The following CYP2A6 variants were observed in gnomAD, a reference collection of about 807,000 sequenced individuals.
CYP2A6 encodes cytochrome P450 2A6.
A neutral mutation model predicts 42.3 loss-of-function variants in CYP2A6; 27 were observed. The ratio of observed to expected loss-of-function variants is 0.64; its 90% CI spans 0.47 to 0.88. CYP2A6 has a LOEUF of 0.88. CYP2A6 is among the 40% of genes least tolerant of loss of function. The pLI is 0.00. For missense variants in CYP2A6, 628 were observed against 646.0 expected, an observed-to-expected ratio of 0.97 and a Z score of 0.30; for synonymous variants, 238 against 246.3, an observed-to-expected ratio of 0.97 and a Z score of 0.31.
At chr19:40,845,876 G>T (rs1424618161) in intron 6 of CYP2A6, 80 bp downstream of exon 6, 1 of 1,558,632 alleles carries the variant, frequency 6.4e-7, no homozygotes, top group African/African-American at 1.4e-5. Flanking sequence ...CGGGATCTGG[G>T]ACAGGTGGGG....
rs560382680 is a variant in CYP2A6 at position 40,846,897 on chromosome 19, G to C, written c.809C>G (p.Ser270Cys). The change falls in exon 5 of 9, where the codon TCC becomes TGC. Residue 270 changes from serine to cysteine, a missense_variant. Physicochemically the swap from Ser to Cys is moderately radical, Grantham distance 112. Transcript: ENST00000301141. Reference protein sequence around the residue: ...DPNSPRDFIDSFLIRMQEEEK... With the variant: ...DPNSPRDFIDCFLIRMQEEEK... ...TACCTCCTGCATGCGGATGAGAAAG[G>C]AGTCAATGAAGTCCCGTGGGGAATT... 6.2e-7 allele frequency: 1 copy of C among 1,612,000 alleles called. No homozygotes were observed. Among genetic ancestry groups the C allele is most frequent in the African/African-American group, 1.3e-5 (1 of 74,764 alleles).
intron 8 of CYP2A6, 138 bp from the exon 9 acceptor site, chr19:40,844,115 T>G: frequency 4.2e-6 from 6 of 1,414,048 alleles, no homozygotes; most frequent in Non-Finnish European, 5.6e-6. Context: ...GAGGAGGCTC[T>G]GATCCTCCCT....
At chr19:40,847,709 G>A (rs1319644019) in intron 4 of CYP2A6, among the ~76,000 whole-genome samples, 3 of 151,578 alleles carry the variant, frequency 2.0e-5, no homozygotes, top group Admixed American at 1.3e-4. Context: ...AGCTGTCCAT[G>A]TTTTCAGGTA....
chr19:40,848,991 A>AGAGAG lies in CYP2A6; in HGVS notation c.344-233_344-229dup, dbSNP rs1391344009. 2.7e-3 allele frequency among the ~76,000 whole-genome samples: 294 copies of AGAGAG among 107,804 alleles called. 10 individuals carry two copies. Among genetic ancestry groups the AGAGAG allele is most frequent in the African/African-American group, 0.011 (257 of 23,872 alleles). The allele number at this position is 107,804 out of a possible 152,430, so 70.7% of individuals were successfully genotyped here. The stretch of plus-strand genomic sequence containing the variant: ...GAGAGAGAGAGAAGAGAGAGAGGAG[A>AGAGAG]GAGAGAGAGAGAGAGAGAGAAGAGA... On this transcript the variant is annotated intron_variant, in intron 2 of 8. Coordinates refer to ENST00000301141, the MANE Select transcript of CYP2A6 (RefSeq NM_000762.6).
chr19:40,846,817 C>T (rs1967108555), intron 5 of CYP2A6, 58 bp downstream of exon 5: 2 of 1,595,686 alleles, frequency 1.3e-6, no homozygotes, highest in Non-Finnish European at 8.5e-7. Context: ...GCCCCACTCC[C>T]AGACTGATTT....
At chr19:40,848,858 G>C in intron 2 of CYP2A6, 95 bp from the exon 3 acceptor site, 1 of 1,464,646 alleles carries the variant, frequency 6.8e-7, no homozygotes, top group Non-Finnish European at 9.2e-7. Flanking sequence ...GGAGGAGAGA[G>C]GGAGTAGGGT....
chr19:40,845,851 C>A, intron 6 of CYP2A6, 105 bp downstream of exon 6: 1 of 1,514,796 alleles, frequency 6.6e-7, no homozygotes, highest in East Asian at 2.4e-5. Context: ...GACAGCAAGT[C>A]ACGTCTCAGG....
intron 7 of CYP2A6, 106 bp downstream of exon 7, chr19:40,845,188 G>A (rs1200228076): frequency 1.4e-6 from 2 of 1,433,272 alleles, no homozygotes; most frequent in Admixed American, 3.6e-5. Flanking sequence ...TTGACTGATT[G>A]AGGGAGTGGG....
chr19:40,849,088 G>GAGAC (rs1259003653), intron 2 of CYP2A6, among the ~76,000 whole-genome samples: 6 of 142,964 alleles, frequency 4.2e-5, no homozygotes, highest in African/African-American at 1.6e-4. Flanking sequence ...GAGAGAGAGA[G>GAGAC]ACCAGGTTTA....
chr19:40,846,055 C>T lies in CYP2A6; in HGVS notation c.874G>A (p.Val292Met), dbSNP rs2644906. The change falls in exon 6 of 9, where the codon GTG becomes ATG. Residue 292 changes from valine (V) to methionine (M), a missense_variant. Physicochemically the swap from Val to Met is conservative, Grantham distance 21. Around this residue, in one of 2 missense-constraint regions of CYP2A6, gnomAD observed 606 missense variants for 568.1 expected, o/e 1.07. Transcript: ENST00000301141. ...PNTEFYLKNL[V>M]MTTLNLFIGG... ...ATGAAGAGGTTCAACGTGGTCATCA[C>T]CAGGTTTTTCAAGTAGAACTCCGTG... 3.3e-5 allele frequency: 53 copies of T among 1,611,392 alleles called. 1 individual carries two copies. The African/African-American group carries it at 5.1e-4, about 15-fold the overall frequency.
intron 7 of CYP2A6, chr19:40,844,998 G>GA (rs2083448519): frequency 1.5e-6 from 1 of 664,912 alleles, no homozygotes; most frequent in African/African-American, 1.8e-5. Flanking sequence ...GAGTTTGGGG[G>GA]ACCTGAGATT....
chr19:40,844,265 C>T (rs1468564327), intron 8 of CYP2A6, among the ~76,000 whole-genome samples: 1 of 151,358 alleles, frequency 6.6e-6, no homozygotes, highest in African/African-American at 2.4e-5. Flanking sequence ...CATAATGTCA[C>T]ACATCCATCA....
rs140471703 is a variant in CYP2A6, at chr19:40,846,912, C to G, written c.794G>C (p.Arg265Pro). 6 of 1,611,886 alleles carry G rather than the reference C, an allele frequency of 3.7e-6. No homozygotes were observed. Among genetic ancestry groups the G allele is most frequent in the South Asian group, 2.2e-5 (2 of 90,944 alleles). The change falls in exon 5 of 9, where the codon CGG becomes CCG. Residue 265 changes from arginine (R) to proline (P), a missense_variant. By Grantham distance (103) the Arg-to-Pro change is moderately radical. Around this residue, in one of 2 missense-constraint regions of CYP2A6, gnomAD observed 606 missense variants for 568.1 expected, o/e 1.07. Coordinates refer to ENST00000301141, the MANE Select transcript of CYP2A6 (RefSeq NM_000762.6). ...NQRTLDPNSP[R>P]DFIDSFLIRM... ...GATGAGAAAGGAGTCAATGAAGTCCCGTGGGGAATTGGGATCCAGCGTGCG... is the reference window on the plus strand; with the variant it reads ...GATGAGAAAGGAGTCAATGAAGTCCGGTGGGGAATTGGGATCCAGCGTGCG...
rs2083451372 is a variant in CYP2A6, at chr19:40,845,429, C to G, written c.1026G>C (p.Lys342Asn). The G allele has an allele frequency of 1.2e-6, 2 of 1,611,836 alleles. No homozygotes were observed. The highest frequency in any genetic ancestry group is 1.7e-6 in the Non-Finnish European group (2 of 1,179,938). The part of the protein sequence containing the change: ...DRVIGKNRQP[K>N]FEDRAKMPYM... ...AGGGCATCTTGGCCCGGTCCTCAAA[C>G]TTGGGCTGCCGGTTCTTGCCGATCA... is the stretch of plus-strand genomic sequence containing the variant. Residue 342 changes from lysine to asparagine, a missense_variant, in exon 7 of 9, where the codon AAG becomes AAC. Around this residue, in one of 2 missense-constraint regions of CYP2A6, gnomAD observed 606 missense variants for 568.1 expected, o/e 1.07. Coordinates refer to ENST00000301141, the MANE Select transcript of CYP2A6 (RefSeq NM_000762.6).
At chr19:40,848,125 G>C in intron 4 of CYP2A6, 94 bp downstream of exon 4, 1 of 1,573,342 alleles carries the variant, frequency 6.4e-7, no homozygotes, top group Non-Finnish European at 8.6e-7. Flanking sequence ...ACACTGTCTG[G>C]AGGGCGGTGG....
rs1387752835 is a variant in CYP2A6 at position 40,848,258 on chromosome 19, C to A, written c.615G>T (p.Met205Ile). 2 of 1,611,722 alleles carry A rather than the reference C, an allele frequency of 1.2e-6. No individual in the cohort carries two copies. Among genetic ancestry groups the A allele is most frequent in the Non-Finnish European group, 1.7e-6 (2 of 1,179,934 alleles). ...DKEFLSLLRM[M>I]LGIFQFTSTS... ...TTGACGTGAACTGGAAGATTCCTAG[C>A]ATCATGCGCAACAGTGACAGGAACT... The change falls in exon 4 of 9, where the codon ATG becomes ATT. Residue 205 changes from methionine to isoleucine, a missense_variant. By Grantham distance (10) the Met-to-Ile change is conservative (BLOSUM62 1). Transcript: ENST00000301141.
chr19:40,850,217 C>T lies in CYP2A6; in HGVS notation c.180+30G>A, dbSNP rs140179029. ...CCAGCCAACTAGGCAGCCCCCACCC[C>T]GTGCCACCCATCTCCCTGCCTTGGG... On this transcript the variant is annotated intron_variant, in intron 1 of 8. Coordinates refer to ENST00000301141, the MANE Select transcript of CYP2A6 (RefSeq NM_000762.6). The T allele has an allele frequency of 6.3e-4, 1,012 of 1,595,050 alleles. 37 individuals carry two copies. In the African/African-American group the frequency reaches 0.012, roughly 18 times the overall value.
At chr19:40,845,019 T>C (rs536337801) in intron 7 of CYP2A6, 312 of 654,594 alleles carry the variant, frequency 4.8e-4, no homozygotes, top group Non-Finnish European at 7.1e-4. Flanking sequence ...TCTGTCCCTA[T>C]GACAAAAGGC....
Position 40,845,303 on chromosome 19 carries a change from G to T in CYP2A6, c.1152C>A (p.Phe384Leu). Reference sequence around the variant, plus strand: ...TGGGGGCGGATAGCACCTTAGGGAGGAAGAAATCCCGAAACTTGGTGTCCT... The same window carrying T: ...TGGGGGCGGATAGCACCTTAGGGAGTAAGAAATCCCGAAACTTGGTGTCCT... ...VKKDTKFRDF[F>L]LPKGTEVYPM... is the part of the protein sequence containing the mutation. The change falls in exon 7 of 9, where the codon TTC becomes TTA. Residue 384 changes from phenylalanine to leucine, a missense_variant. By Grantham distance (22) the Phe-to-Leu change is conservative. Around this residue, in one of 2 missense-constraint regions of CYP2A6, gnomAD observed 606 missense variants for 568.1 expected, o/e 1.07. Coordinates refer to ENST00000301141, the MANE Select transcript of CYP2A6 (RefSeq NM_000762.6). 6.2e-7 allele frequency: 1 copy of T among 1,611,600 alleles called. No individual in the cohort carries two copies. The highest frequency in any genetic ancestry group is 8.5e-7 in the Non-Finnish European group (1 of 1,179,874).
Sources: allele counts gnomAD v4.1 joint callset (sites outside exome capture counted in the v4.1 genomes callset), GRCh38; gene constraint gnomAD v4.1.1; regional missense constraint gnomAD v4.1.1; transcripts MANE v1.5; gene names NCBI Gene and HGNC (gene_info 2026-07-23, HGNC 2026-07-21).